The following SELENOP variants were observed in gnomAD, a reference collection of about 807,000 sequenced individuals.
The protein encoded by SELENOP is selenoprotein P, plasma, 1.
A neutral mutation model predicts 41.0 loss-of-function variants in SELENOP; 36 were observed. The observed-to-expected ratio is 0.88, with a 90% CI of 0.67 to 1.16. The LOEUF (loss-of-function observed/expected upper bound fraction) is 1.16, where lower values mean the gene tolerates loss of function less well. Ranked by LOEUF, SELENOP falls within the 50% of genes most tolerant of loss-of-function variation. The pLI is 0.00. For missense variants in SELENOP, 440 were observed against 454.2 expected (o/e 0.97, Z 0.28); for synonymous variants, 144 against 150.8 (o/e 0.95, Z 0.33).
In SELENOP at chr5:42,807,096, C is replaced by T. The variant is rs760215597; in HGVS notation, c.216G>A (p.Leu72=). The change falls in exon 3 of 5, where the codon CTG becomes CTA. Residue 72 remains leucine (L), a synonymous_variant. Transcript: ENST00000514985. ...ATCCTTCTTTCTTCAGTTTTACTCG[C>T]AGGTCTTCTAATCTAAAATATTTGG... ...CILQASKLED[L]RVKLKKEGYS... is the part of the protein sequence containing the mutation. 9.2e-5 allele frequency: 135 copies of T among 1,469,234 alleles called. No homozygotes were observed. The highest frequency in any genetic ancestry group is 1.2e-4 in the Non-Finnish European group (130 of 1,058,618). 91.0% of individuals were successfully genotyped at this position (1,469,234 alleles called of 1,614,324 possible). A position where few individuals can be genotyped will look rare whatever the true frequency, so the allele number is the denominator to read the frequency against.
At chr5:42,806,833 TA>T in intron 3 of SELENOP, 62 bp downstream of exon 3, 2 of 902,872 alleles carry the variant, frequency 2.2e-6, no homozygotes, top group Non-Finnish European at 3.5e-6. Context: ...TGATGGGAAG[TA>T]AATAAATAGA....
intron 3 of SELENOP, chr5:42,805,735 T>C (rs1392719773): frequency 6.6e-6 from 1 of 152,230 alleles, no homozygotes; most frequent in Non-Finnish European, 1.5e-5. Context: ...GTACAGGATA[T>C]ACAAATTGGT....
At chr5:42,808,709 C>T (rs949089087) in intron 1 of SELENOP, among the ~76,000 whole-genome samples, 1 of 151,220 alleles carries the variant, frequency 6.6e-6, no homozygotes, top group African/African-American at 2.4e-5. Context: ...GAGATCGAGA[C>T]CATCCTGGCT....
rs748759793 is a variant in SELENOP, at chr5:42,801,326, G to C, written c.540C>G (p.Leu180=). The part of the protein sequence containing the change: ...KKCGNCSLTT[L]KDEDFCKRVS... The stretch of plus-strand genomic sequence containing the variant: ...CACGTTTACAAAAGTCTTCATCTTT[G>C]AGAGTCTGGAACAAATTTATAAATC... The change falls in exon 5 of 5, where the codon CTC becomes CTG. Residue 180 remains leucine, a synonymous_variant. Transcript: ENST00000514985. 9.4e-6 allele frequency: 15 copies of C among 1,602,030 alleles called. No homozygotes were observed. Among genetic ancestry groups the C allele is most frequent in the Non-Finnish European group, 1.3e-5 (15 of 1,174,840 alleles).
intron 4 of SELENOP, among the ~76,000 whole-genome samples, chr5:42,802,548 T>C (rs1230660014): frequency 6.6e-6 from 1 of 152,228 alleles, no homozygotes; most frequent in East Asian, 1.9e-4. Flanking sequence ...ATATACTGTG[T>C]AATGTTCAAA....
Position 42,808,216 on chromosome 5 carries a change from A to G in SELENOP, c.138T>C (p.Asn46=). 1 of 1,587,032 alleles carries G rather than the reference A, an allele frequency of 6.3e-7. No homozygotes were observed. Among genetic ancestry groups the G allele is most frequent in the Admixed American group, 1.8e-5 (1 of 56,010 alleles). Residue 46 remains asparagine (N), a synonymous_variant, in exon 2 of 5, where the codon AAT becomes AAC. Coordinates refer to ENST00000514985, the MANE Select transcript of SELENOP (RefSeq NM_005410.4). ...GAAGAGCAACCACAGTCACTGAACC[A>G]TTGGAGTTTAGCATTGGATCTTGAT... ...IRDQDPMLNS[N]GSVTVVALLQ... is the part of the protein sequence containing the mutation.
At chr5:42,801,501 A>G (rs1226241259) in intron 4 of SELENOP, 170 bp from the exon 5 acceptor site, 2 of 544,842 alleles carry the variant, frequency 3.7e-6, no homozygotes, top group African/African-American at 1.9e-5. Context: ...ACACCTAGAC[A>G]TTTTATTAAA....
In SELENOP at chr5:42,807,056, A is replaced by G. The variant is rs771364261; in HGVS notation, c.256T>C (p.Tyr86His). Residue 86 changes from tyrosine to histidine, a missense_variant, in exon 3 of 5, where the codon TAT becomes CAT. Transcript: ENST00000514985. ...ATTCCTTGATGATTAACAACAATATAAGAAATATTAGAATATCCTTCTTTC... is the reference window on the plus strand; with the variant it reads ...ATTCCTTGATGATTAACAACAATATGAGAAATATTAGAATATCCTTCTTTC... ...LKKEGYSNISYIVVNHQGISS... is the reference protein window; with the variant it reads ...LKKEGYSNISHIVVNHQGISS... 1.2e-5 allele frequency: 18 copies of G among 1,560,658 alleles called. No homozygotes were observed. The Admixed American group carries it at 3.0e-4, about 26-fold the overall frequency.
chr5:42,802,677 C>G (rs1760235590), intron 4 of SELENOP, among the ~76,000 whole-genome samples: 1 of 152,184 alleles, frequency 6.6e-6, no homozygotes, highest in African/African-American at 2.4e-5. Flanking sequence ...GTGGCACGAC[C>G]TCGACTCACT....
At chr5:42,804,798 T>C in intron 3 of SELENOP, 25 bp from the exon 4 acceptor site, 1 of 1,346,270 alleles carries the variant, frequency 7.4e-7, no homozygotes, top group Non-Finnish European at 1.1e-6. Context: ...AAATACAATG[T>C]CACTATAATA....
At chr5:42,808,675 G>A (rs965601887) in intron 1 of SELENOP, among the ~76,000 whole-genome samples, 4 of 151,620 alleles carry the variant, frequency 2.6e-5, no homozygotes, top group East Asian at 3.9e-4. Flanking sequence ...TTGGGAGGCC[G>A]AGGCTGGCAG....
chr5:42,808,141 A>C lies in SELENOP; in HGVS notation c.203+10T>G, dbSNP rs1156504840. The C allele has an allele frequency of 7.0e-7, 1 of 1,427,578 alleles. No homozygotes were observed. The highest frequency in any genetic ancestry group is 9.3e-7 in the Non-Finnish European group (1 of 1,074,276). The allele number at this position is 1,427,578 out of a possible 1,614,324, so 88.4% of individuals were successfully genotyped here. On this transcript the variant is annotated intron_variant, in intron 2 of 4. Coordinates refer to ENST00000514985, the MANE Select transcript of SELENOP (RefSeq NM_005410.4). The stretch of plus-strand genomic sequence containing the variant: ...TTAAGGTATTTTAAGCCACAGAAAG[A>C]CTGTCTTACTTAGATGCCTGCAGTA...
intron 4 of SELENOP, among the ~76,000 whole-genome samples, chr5:42,803,960 C>T (rs967454994): frequency 6.6e-6 from 1 of 152,168 alleles, no homozygotes; most frequent in Non-Finnish European, 1.5e-5. Flanking sequence ...CCAAGTAATG[C>T]TGTGGGTAAG....
chr5:42,803,500 C>G (rs1177666429), intron 4 of SELENOP, among the ~76,000 whole-genome samples: 1 of 152,044 alleles, frequency 6.6e-6, no homozygotes, highest in Non-Finnish European at 1.5e-5. Flanking sequence ...AACTTATACT[C>G]CTTAACAACT....
chr5:42,802,888 C>T (rs1198204304), intron 4 of SELENOP, among the ~76,000 whole-genome samples: 1 of 152,206 alleles, frequency 6.6e-6, no homozygotes, highest in African/African-American at 2.4e-5. Context: ...GGATTACAGG[C>T]GTGGGCCACC....
At position 42,808,233 on chromosome 5, in the gene SELENOP, G is replaced by C. The variant is rs1352717327; in HGVS notation, c.121C>G (p.Pro41Ala). The change falls in exon 2 of 5, where the codon CCA (proline) becomes GCA (alanine). Residue 41 changes from proline (P) to alanine (A), a missense_variant. Pro to Ala is a conservative substitution (Grantham distance 27). Coordinates refer to ENST00000514985, the MANE Select transcript of SELENOP (RefSeq NM_005410.4). ...PPAWSIRDQD[P>A]MLNSNGSVTV... is the part of the protein sequence containing the mutation. ...ACTGAACCATTGGAGTTTAGCATTGGATCTTGATCTCTTATGCTCCAGGCT... is the reference window on the plus strand; with the variant it reads ...ACTGAACCATTGGAGTTTAGCATTGCATCTTGATCTCTTATGCTCCAGGCT... 5 of 1,582,462 alleles carry C rather than the reference G, an allele frequency of 3.2e-6. No individual in the cohort carries two copies. The African/African-American group carries it at 4.1e-5, about 13-fold the overall frequency.
Position 42,800,061 on chromosome 5 carries a change from A to T in SELENOP, c.*659T>A. 2 of 303,812 alleles carry T rather than the reference A, an allele frequency of 6.6e-6. No individual in the cohort carries two copies. Among genetic ancestry groups the T allele is most frequent in the South Asian group, 5.9e-5 (1 of 16,892 alleles). 18.8% of individuals were successfully genotyped at this position (303,812 alleles called of 1,614,324 possible). The stretch of plus-strand genomic sequence containing the variant: ...AAGCAATATAGAGACAGACAATATT[A>T]TCTTTCCCCTTATATCTTTTAAGAC... On this transcript the variant is annotated 3_prime_UTR_variant, in exon 5 of 5. Coordinates refer to ENST00000514985, the MANE Select transcript of SELENOP (RefSeq NM_005410.4).
intron 3 of SELENOP, chr5:42,805,494 A>C (rs938616047): frequency 5.3e-5 from 8 of 152,228 alleles, no homozygotes; most frequent in Non-Finnish European, 8.8e-5. Context: ...AAAAAAAACA[A>C]AGCACCAACT....
intron 3 of SELENOP, chr5:42,806,668 G>A (rs1359412007): frequency 3.1e-6 from 1 of 326,944 alleles, no homozygotes; most frequent in Admixed American, 4.3e-5. Context: ...AGGATATGAG[G>A]AAAACCAGCA....
Sources: allele counts gnomAD v4.1 joint callset (sites outside exome capture counted in the v4.1 genomes callset), GRCh38; gene constraint gnomAD v4.1.1; transcripts MANE v1.5; gene names NCBI Gene and HGNC (gene_info 2026-07-23, HGNC 2026-07-21).